METAP2: variants seen among roughly 807,000 people sequenced by gnomAD.
METAP2 encodes methionyl aminopeptidase 2, also known as methionine aminopeptidase 2.
METAP2 carries 25 observed loss-of-function variants against 59.4 expected under a neutral mutation model. The ratio of observed to expected loss-of-function variants is 0.42; its 90% confidence interval spans 0.31 to 0.59. The LOEUF is 0.59. Among genes scored for constraint, METAP2 ranks in the 20% least tolerant of loss-of-function variants. The pLI is 0.16. For synonymous variants in METAP2, 214 were observed against 194.1 expected (o/e 1.10, Z -0.85); for missense variants, 366 against 581.2 (o/e 0.63, Z 3.81).
intron 8 of METAP2, among the ~76,000 whole-genome samples, chr12:95,504,594 T>A (rs1053465106): frequency 1.3e-5 from 2 of 152,238 alleles, no homozygotes; most frequent in Non-Finnish European, 2.9e-5. Context: ...CCTCCCAGGC[T>A]TAGGCTTAAG....
intron 2 of METAP2, among the ~76,000 whole-genome samples, chr12:95,476,514 A>AAAAGAAAGAAAGAAAGAAAGAAAG (rs373561404): frequency 6.4e-5 from 9 of 140,852 alleles, no homozygotes; most frequent in African/African-American, 2.2e-4. Context: ...TGTCTCAAAA[A>AAAAGAAAGAAAGAAAGAAAGAAAG]AAAGAAAGAA....
At chr12:95,494,567 G>A (rs2076263254) in intron 5 of METAP2, among the ~76,000 whole-genome samples, 2 of 152,162 alleles carry the variant, frequency 1.3e-5, no homozygotes, top group African/African-American at 2.4e-5. Context: ...ACCAATTCAA[G>A]TAATTATTCT....
At position 95,515,718 on chromosome 12, in the gene METAP2, T is replaced by G. The variant is rs2076443132; in HGVS notation, c.*1814T>G. 6.6e-6 allele frequency: 1 copy of G among 152,220 alleles called. No individual in the cohort carries two copies. Among genetic ancestry groups the G allele is most frequent in the African/African-American group, 2.4e-5 (1 of 41,450 alleles). The allele number at this position is 152,220 out of a possible 1,614,324, so 9.4% of individuals were successfully genotyped here. ...AGCTGTAACTAAAAATTGTATTGTT[T>G]GCTTATTAGCCATGTATCTCTTAAA... On this transcript the variant is annotated 3_prime_UTR_variant, in exon 11 of 11. Coordinates refer to ENST00000323666, the MANE Select transcript of METAP2 (RefSeq NM_006838.4).
At chr12:95,492,047 GTCC>G (rs2076241385) in intron 4 of METAP2, among the ~76,000 whole-genome samples, 1 of 151,964 alleles carries the variant, frequency 6.6e-6, no homozygotes, top group African/African-American at 2.4e-5. Flanking sequence ...GGCTCAAACA[GTCC>G]TCCTGCCTCA....
At chr12:95,511,827 A>G in intron 8 of METAP2, 68 bp from the exon 9 acceptor site, 3 of 1,106,472 alleles carry the variant, frequency 2.7e-6, no homozygotes, top group Non-Finnish European at 2.7e-6. Flanking sequence ...TCTGTACCAA[A>G]ATGTAAGAGA....
intron 4 of METAP2, among the ~76,000 whole-genome samples, chr12:95,492,174 A>G (rs1267565189): frequency 2.7e-5 from 4 of 146,134 alleles, no homozygotes; most frequent in African/African-American, 1.1e-4. Flanking sequence ...GTGTGTGTAT[A>G]TATTTTGGTG....
intron 10 of METAP2, among the ~76,000 whole-genome samples, 174 bp downstream of exon 10, chr12:95,513,090 T>C (rs900738622): frequency 7.3e-6 from 1 of 136,182 alleles, no homozygotes; most frequent in Non-Finnish European, 1.6e-5. Flanking sequence ...AGATAAAAAT[T>C]ACACACACAC....
intron 5 of METAP2, among the ~76,000 whole-genome samples, 165 bp downstream of exon 5, chr12:95,494,382 A>T (rs2076262287): frequency 6.6e-6 from 1 of 152,230 alleles, no homozygotes; most frequent in Non-Finnish European, 1.5e-5. Context: ...AAAACCATGA[A>T]GAGGAGTACA....
chr12:95,496,191 T>G, intron 7 of METAP2, 93 bp downstream of exon 7: 1 of 709,544 alleles, frequency 1.4e-6, no homozygotes, highest in Non-Finnish European at 2.4e-6. Context: ...TTTTAAGGCC[T>G]GTTTAAGGGC....
intron 3 of METAP2, among the ~76,000 whole-genome samples, chr12:95,485,615 A>G (rs992537190): frequency 6.6e-6 from 1 of 152,140 alleles, no homozygotes. Context: ...AGATGAAGAC[A>G]TTAGAAGTGT....
At chr12:95,499,068 C>A (rs1272829529) in intron 7 of METAP2, among the ~76,000 whole-genome samples, 1 of 151,334 alleles carries the variant, frequency 6.6e-6, no homozygotes, top group Non-Finnish European at 1.5e-5. Context: ...TATTTCTGGG[C>A]TGTTCATTTT....
chr12:95,513,391 A>G (rs2076419153), intron 10 of METAP2, among the ~76,000 whole-genome samples: 1 of 152,136 alleles, frequency 6.6e-6, no homozygotes, highest in South Asian at 2.1e-4. Context: ...AGTGGGGAAT[A>G]TAACACACAC....
Position 95,476,542 on chromosome 12 carries a change from A to AGAAAG in METAP2, c.259+365_259+366insAAAGG, listed in dbSNP as rs2076121298. On this transcript the variant is annotated intron_variant, in intron 2 of 10. Transcript: ENST00000323666. ...AGAAAGAAAGAAAGAAAGAAAGAAA[A>AGAAAG]GCTAGAAAATGTGATATTCCTTAAT... Among the ~76,000 whole-genome samples the AGAAAG allele has an allele frequency of 3.9e-5, 5 of 128,572 alleles. 1 individual carries two copies. Among genetic ancestry groups the AGAAAG allele is most frequent in the African/African-American group, 9.8e-5 (3 of 30,524 alleles). 84.3% of individuals were successfully genotyped at this position (128,572 alleles called of 152,430 possible). A position where few individuals can be genotyped will look rare whatever the true frequency, so the allele number is the denominator to read the frequency against.
intron 3 of METAP2, 57 bp from the exon 4 acceptor site, chr12:95,485,822 T>TTA: frequency 8.4e-7 from 1 of 1,190,400 alleles, no homozygotes; most frequent in Non-Finnish European, 1.2e-6. Flanking sequence ...AAAACTCTAA[T>TTA]AACTGCTTAA....
Position 95,485,934 on chromosome 12 carries a change from T to C in METAP2, c.381T>C (p.Gly127=). The C allele has an allele frequency of 6.3e-7, 1 of 1,593,648 alleles. No homozygotes were observed. ...SVPICDLYPN[G]VFPKGQECEY... is the part of the protein sequence containing the mutation. The stretch of plus-strand genomic sequence containing the variant: ...CAATATGTGACCTGTATCCTAATGG[T>C]GTATTTCCCAAAGGACAAGAATGCG... Residue 127 remains glycine, a synonymous_variant, in exon 4 of 11, where the codon GGT becomes GGC. Coordinates refer to ENST00000323666, the MANE Select transcript of METAP2 (RefSeq NM_006838.4).
intron 3 of METAP2, among the ~76,000 whole-genome samples, chr12:95,483,766 A>T (rs76937943): frequency 1.3e-5 from 2 of 152,194 alleles, no homozygotes; most frequent in Non-Finnish European, 2.9e-5. Context: ...AATTTAAAGA[A>T]TAATTCTGTC....
chr12:95,491,097 T>C (rs2140148350), intron 4 of METAP2, among the ~76,000 whole-genome samples: 1 of 149,406 alleles, frequency 6.7e-6, no homozygotes, highest in East Asian at 1.9e-4. Flanking sequence ...TTTTTTTTTT[T>C]TCTTTTAAAG....
Position 95,513,965 on chromosome 12 carries a change from C to G in METAP2, c.*61C>G. The G allele has an allele frequency of 1.3e-6, 2 of 1,528,870 alleles. No individual in the cohort carries two copies. Among genetic ancestry groups the G allele is most frequent in the Non-Finnish European group, 1.8e-6 (2 of 1,132,444 alleles). The allele number at this position is 1,528,870 out of a possible 1,614,324, so 94.7% of individuals were successfully genotyped here. On this transcript the variant is annotated 3_prime_UTR_variant, in exon 11 of 11. Transcript: ENST00000323666. ...TGAGCTTTGTTGGAAAACATGATAC[C>G]AGAATTAATTTGCCACATGTTGTCT...
Position 95,514,098 on chromosome 12 carries a change from C to T in METAP2, c.*194C>T. The T allele has an allele frequency of 1.8e-6, 1 of 561,414 alleles. No individual in the cohort carries two copies. The highest frequency in any genetic ancestry group is 2.9e-6 in the Non-Finnish European group (1 of 343,796). The allele number at this position is 561,414 out of a possible 1,614,324, so 34.8% of individuals were successfully genotyped here. ...TTAACCAACGAAAAAGCTTTCCGGA[C>T]TTTTAAATGCTAACTGTTTTTCCCC... On this transcript the variant is annotated 3_prime_UTR_variant, in exon 11 of 11. Transcript: ENST00000323666.
Sources: gnomAD v4.1 joint callset for allele counts (sites outside exome capture counted in the v4.1 genomes callset) on GRCh38, gnomAD v4.1.1 for gene constraint, MANE v1.5 for transcripts, NCBI Gene and HGNC (gene_info 2026-07-23, HGNC 2026-07-21) for gene names.